PPFIA2: variants seen among roughly 807,000 people sequenced by gnomAD.
The protein encoded by PPFIA2 is liprin-alpha-2.
A neutral mutation model predicts 175.5 loss-of-function variants in PPFIA2; 46 were observed. That is an observed-to-expected ratio of 0.26 (90% CI 0.21 to 0.34). The LOEUF (loss-of-function observed/expected upper bound fraction) is 0.34. Ranked by LOEUF, PPFIA2 falls within the 10% of genes least tolerant of loss-of-function variation. The pLI is 1.00. For missense variants in PPFIA2, 1,179 were observed against 1,506.1 expected, an observed-to-expected ratio of 0.78 and a Z score of 3.60; for synonymous variants, 568 against 511.4, an observed-to-expected ratio of 1.11 and a Z score of -1.49.
In PPFIA2 at chr12:81,466,738, G is replaced by A. The variant is rs945053877; in HGVS notation, c.304-8872C>T. Among the ~76,000 whole-genome samples the A allele has an allele frequency of 7.9e-5, 12 of 151,840 alleles. 1 individual carries two copies. The South Asian group carries it at 8.3e-4, about 11-fold the overall frequency. On this transcript the variant is annotated intron_variant, in intron 4 of 32. Coordinates refer to ENST00000549396, the MANE Select transcript of PPFIA2 (RefSeq NM_003625.5). Reference sequence around the variant, plus strand: ...AGGTCACTACAGATTGGTTGGGAACGTATTTGGAGGCAAGGTAGGGTTTTC... The same window carrying A: ...AGGTCACTACAGATTGGTTGGGAACATATTTGGAGGCAAGGTAGGGTTTTC...
intron 4 of PPFIA2, among the ~76,000 whole-genome samples, chr12:81,575,716 T>C (rs570014572): frequency 4.5e-4 from 68 of 151,924 alleles, no homozygotes; most frequent in Non-Finnish European, 8.0e-4. Flanking sequence ...CATATCTATT[T>C]GGTCAGGAAA....
intron 4 of PPFIA2, chr12:81,505,927 G>A (rs2061118154): frequency 6.6e-6 from 1 of 152,236 alleles, no homozygotes; most frequent in South Asian, 2.1e-4. Context: ...ATTGGATCTA[G>A]ATTCTTGGCC....
In PPFIA2 at chr12:81,445,553, T is replaced by C. The variant is rs1156439016; in HGVS notation, c.570+3A>G. 5 of 1,612,708 alleles carry C rather than the reference T, an allele frequency of 3.1e-6. No homozygotes were observed. The highest frequency in any genetic ancestry group is 4.2e-6 in the Non-Finnish European group (5 of 1,179,344). Reference sequence around the variant, plus strand: ...AAGCTTGAACTCTTTTTCCATACTATACCTTTTCATCCAAGGCCTTGTGGT... The same window carrying C: ...AAGCTTGAACTCTTTTTCCATACTACACCTTTTCATCCAAGGCCTTGTGGT... On this transcript the variant is annotated splice_donor_region_variant and intron_variant, in intron 6 of 32. Coordinates refer to ENST00000549396, the MANE Select transcript of PPFIA2 (RefSeq NM_003625.5).
intron 4 of PPFIA2, chr12:81,471,133 T>TTATG (rs2056651627): frequency 6.7e-6 from 1 of 149,702 alleles, no homozygotes; most frequent in South Asian, 2.1e-4. Context: ...ATTTATTTAT[T>TTATG]TATTTATTTA....
At chr12:81,334,596 A>G (rs1214570470) in intron 21 of PPFIA2, among the ~76,000 whole-genome samples, 4 of 152,204 alleles carry the variant, frequency 2.6e-5, no homozygotes, top group South Asian at 4.1e-4. Context: ...GATAGAAACA[A>G]AAATGAGTTT....
intron 13 of PPFIA2, chr12:81,368,007 A>AT: frequency 1.1e-6 from 1 of 904,254 alleles, no homozygotes; most frequent in Middle Eastern, 2.7e-4. Context: ...ATTTTGGTTT[A>AT]TTTTATGTAC....
At chr12:81,614,565 A>G (rs1234121959) in intron 4 of PPFIA2, among the ~76,000 whole-genome samples, 1 of 152,168 alleles carries the variant, frequency 6.6e-6, no homozygotes, top group Non-Finnish European at 1.5e-5. Flanking sequence ...GAGTAGACTA[A>G]CACAATGTTT....
At chr12:81,261,673 G>A (rs1375216669) in intron 32 of PPFIA2, among the ~76,000 whole-genome samples, 1 of 152,120 alleles carries the variant, frequency 6.6e-6, no homozygotes, top group Non-Finnish European at 1.5e-5. Context: ...GTACTAAAAA[G>A]TAGAAAACAG....
chr12:81,548,685 A>C (rs2067378721), intron 4 of PPFIA2, among the ~76,000 whole-genome samples: 1 of 152,100 alleles, frequency 6.6e-6, no homozygotes, highest in South Asian at 2.1e-4. Flanking sequence ...ATGAATTTTC[A>C]AAAGCCTCAT....
intron 4 of PPFIA2, among the ~76,000 whole-genome samples, chr12:81,592,988 G>A (rs1188976548): frequency 1.3e-5 from 2 of 151,888 alleles, no homozygotes; most frequent in African/African-American, 4.8e-5. Context: ...GAACTCCTGA[G>A]CTCAGGAGTT....
At chr12:81,398,313 C>T (rs1315797676) in intron 8 of PPFIA2, among the ~76,000 whole-genome samples, 1 of 152,076 alleles carries the variant, frequency 6.6e-6, no homozygotes, top group Admixed American at 6.6e-5. Context: ...TTTTCTTTGA[C>T]TAGGCTTTTT....
intron 4 of PPFIA2, among the ~76,000 whole-genome samples, chr12:81,539,732 T>C (rs1290176594): frequency 6.6e-6 from 1 of 151,978 alleles, no homozygotes; most frequent in African/African-American, 2.4e-5. Flanking sequence ...CTTTGAGGAA[T>C]AACTCAACTA....
chr12:81,384,925 AC>A (rs1244861459), intron 8 of PPFIA2, among the ~76,000 whole-genome samples: 1 of 152,148 alleles, frequency 6.6e-6, no homozygotes. Flanking sequence ...CTGCTTAGAA[AC>A]CAGGGTTTTC....
intron 4 of PPFIA2, among the ~76,000 whole-genome samples, chr12:81,538,362 T>C (rs2065710542): frequency 6.6e-6 from 1 of 151,958 alleles, no homozygotes; most frequent in African/African-American, 2.4e-5. Flanking sequence ...CAGACAGTAT[T>C]CTTAATACAT....
At chr12:81,469,820 T>G (rs12099646) in intron 4 of PPFIA2, among the ~76,000 whole-genome samples, 4,558 of 152,258 alleles carry the variant, frequency 0.03, 89 homozygotes, top group African/African-American at 0.046. Context: ...TGGGAAATCA[T>G]TAGGTTTAGA....
intron 7 of PPFIA2, among the ~76,000 whole-genome samples, chr12:81,419,223 C>G (rs1171287993): frequency 6.6e-6 from 1 of 151,834 alleles, no homozygotes; most frequent in Non-Finnish European, 1.5e-5. Flanking sequence ...CTGGTTCTAC[C>G]ACTTACTAAC....
At chr12:81,509,994 A>C (rs1219924352) in intron 4 of PPFIA2, among the ~76,000 whole-genome samples, 2 of 152,076 alleles carry the variant, frequency 1.3e-5, no homozygotes, top group Non-Finnish European at 2.9e-5. Flanking sequence ...AAGCAACCTC[A>C]CCACTCCAAC....
chr12:81,537,626 C>CT (rs1567232796), intron 4 of PPFIA2, among the ~76,000 whole-genome samples: 1 of 151,800 alleles, frequency 6.6e-6, no homozygotes, highest in African/African-American at 2.4e-5. Flanking sequence ...TAGATGTTCT[C>CT]TACAGACCAC....
intron 4 of PPFIA2, among the ~76,000 whole-genome samples, chr12:81,556,550 A>G (rs1306795604): frequency 6.6e-6 from 1 of 151,984 alleles, no homozygotes; most frequent in Non-Finnish European, 1.5e-5. Context: ...GCTAATTGCT[A>G]AAGGTGAGAT....
Sources: allele counts gnomAD v4.1 joint callset (sites outside exome capture counted in the v4.1 genomes callset), GRCh38; gene constraint gnomAD v4.1.1; transcripts MANE v1.5; gene names NCBI Gene and HGNC (gene_info 2026-07-23, HGNC 2026-07-21).